Variants in ANO4 observed in about 807,000 individuals in gnomAD.
ANO4 encodes anoctamin-4.
ANO4 carries 69 observed loss-of-function variants against 141.9 expected under a neutral mutation model. The ratio of observed to expected loss-of-function variants is 0.49; its 90% CI spans 0.40 to 0.59. ANO4 has a LOEUF of 0.59. Ranked by LOEUF, ANO4 falls within the 20% of genes least tolerant of loss-of-function variation. ANO4 has a pLI of 0.00. For missense variants in ANO4, 894 were observed against 1,162.2 expected (o/e 0.77, Z 3.36); for synonymous variants, 350 against 394.3 (o/e 0.89, Z 1.33).
At chr12:101,001,683 G>A (rs1011872554) in intron 8 of ANO4, among the ~76,000 whole-genome samples, 1 of 152,068 alleles carries the variant, frequency 6.6e-6, no homozygotes, top group Non-Finnish European at 1.5e-5. Context: ...AATGGAACAC[G>A]GAGGAGTAAG....
rs530193642 is a variant in ANO4 at position 101,022,064 on chromosome 12, C to T, written c.841+1924C>T. On this transcript the variant is annotated intron_variant, in intron 9 of 27. Coordinates refer to ENST00000392977, the MANE Select transcript of ANO4 (RefSeq NM_001286615.2). The stretch of plus-strand genomic sequence containing the variant: ...GCCAAAAAAAAAAAAAAAAAAACAC[C>T]TACTTTGATCCCAAGCTGCATAAAT... Among the ~76,000 whole-genome samples the T allele has an allele frequency of 1.8e-3, 256 of 142,636 alleles. 3 individuals are homozygous for T. Among genetic ancestry groups the T allele is most frequent in the Non-Finnish European group, 1.2e-3 (76 of 65,510 alleles). 93.6% of individuals were successfully genotyped at this position (142,636 alleles called of 152,430 possible).
At chr12:100,718,699 G>A (rs140846144) in intron 1 of ANO4, among the ~76,000 whole-genome samples, 2 of 152,260 alleles carry the variant, frequency 1.3e-5, no homozygotes, top group East Asian at 3.9e-4. Flanking sequence ...TTTCAGTCTG[G>A]TGGCCTGTTT....
intron 26 of ANO4, among the ~76,000 whole-genome samples, chr12:101,121,561 T>C (rs2051093768): frequency 6.6e-6 from 1 of 152,240 alleles, no homozygotes; most frequent in South Asian, 2.1e-4. Context: ...CATGTGTCTT[T>C]TTGGTAGAAT....
At chr12:100,904,761 T>G (rs1049920880) in intron 2 of ANO4, among the ~76,000 whole-genome samples, 1 of 152,122 alleles carries the variant, frequency 6.6e-6, no homozygotes, top group African/African-American at 2.4e-5. Context: ...TTCCATAATT[T>G]GATTTATATT....
At chr12:101,035,827 A>T (rs1260125395) in intron 9 of ANO4, among the ~76,000 whole-genome samples, 6 of 152,174 alleles carry the variant, frequency 3.9e-5, no homozygotes, top group African/African-American at 1.4e-4. Context: ...CAAAGAAGGG[A>T]ACAGGAGACA....
intron 3 of ANO4, among the ~76,000 whole-genome samples, chr12:100,749,115 G>A (rs1461022611): frequency 6.6e-6 from 1 of 152,174 alleles, no homozygotes; most frequent in African/African-American, 2.4e-5. Context: ...GTTCCAAGCA[G>A]CAGGACAGTG....
intron 8 of ANO4, among the ~76,000 whole-genome samples, chr12:100,990,235 T>G (rs1214128157): frequency 6.6e-6 from 1 of 152,186 alleles, no homozygotes; most frequent in Non-Finnish European, 1.5e-5. Flanking sequence ...TGATGTGTGC[T>G]CTGGTATTTT....
chr12:100,980,521 C>T (rs376186250), intron 7 of ANO4, among the ~76,000 whole-genome samples: 7 of 152,056 alleles, frequency 4.6e-5, no homozygotes, highest in South Asian at 2.1e-4. Flanking sequence ...CTAAAATTCC[C>T]GTCGTATGAA....
chr12:101,047,200 G>A, intron 13 of ANO4, among the ~76,000 whole-genome samples: 1 of 152,190 alleles, frequency 6.6e-6, no homozygotes, highest in East Asian at 1.9e-4. Context: ...AGTGAGCCGA[G>A]ATTGCGCCAT....
intron 3 of ANO4, among the ~76,000 whole-genome samples, chr12:100,925,342 G>A (rs896479948): frequency 2.0e-5 from 3 of 151,930 alleles, no homozygotes; most frequent in African/African-American, 7.3e-5. Context: ...GGAGTTCTGC[G>A]ACTGGCCCCA....
chr12:101,068,883 T>C, intron 14 of ANO4: 1 of 882,300 alleles, frequency 1.1e-6, no homozygotes, highest in South Asian at 1.3e-5. Context: ...CAGATGAAGA[T>C]TTAAAGCTAA....
intron 22 of ANO4, among the ~76,000 whole-genome samples, chr12:101,105,802 A>G (rs555396036): frequency 6.6e-6 from 1 of 152,188 alleles, no homozygotes; most frequent in Non-Finnish European, 1.5e-5. Context: ...TAAATCTGGA[A>G]TTAAGAACTC....
chr12:101,054,585 C>T (rs1222303947), intron 14 of ANO4, among the ~76,000 whole-genome samples: 1 of 152,182 alleles, frequency 6.6e-6, no homozygotes, highest in Non-Finnish European at 1.5e-5. Context: ...TTGCAAGCTC[C>T]GCCTCCCGGC....
At chr12:100,919,686 G>T (rs933340181) in intron 2 of ANO4, among the ~76,000 whole-genome samples, 1 of 142,904 alleles carries the variant, frequency 7.0e-6, no homozygotes. Flanking sequence ...GTGTGTGTGT[G>T]TGTGTGTGTG....
At chr12:100,932,648 T>G (rs1200820942) in intron 3 of ANO4, among the ~76,000 whole-genome samples, 1 of 152,182 alleles carries the variant, frequency 6.6e-6, no homozygotes, top group East Asian at 1.9e-4. Flanking sequence ...GATTAGTAGA[T>G]TTAGTATTAC....
At chr12:100,724,850 A>G (rs1216785210) in intron 1 of ANO4, among the ~76,000 whole-genome samples, 4 of 152,220 alleles carry the variant, frequency 2.6e-5, no homozygotes, top group Non-Finnish European at 5.9e-5. Flanking sequence ...CATGGACTAA[A>G]TCAACACATT....
chr12:100,882,492 G>C (rs1265787410), intron 1 of ANO4, among the ~76,000 whole-genome samples: 3 of 152,150 alleles, frequency 2.0e-5, no homozygotes, highest in Admixed American at 2.0e-4. Flanking sequence ...ATAGTTGGTA[G>C]TAGTGGAGGC....
chr12:100,925,810 C>CCT (rs2041843236), intron 3 of ANO4, among the ~76,000 whole-genome samples: 1 of 69,166 alleles, frequency 1.4e-5, no homozygotes. Flanking sequence ...TGTATACATA[C>CCT]ATATACATAC....
intron 14 of ANO4, chr12:101,068,740 G>C: frequency 7.7e-7 from 1 of 1,305,414 alleles, no homozygotes. Flanking sequence ...TAAAAATGTT[G>C]CCGATGACTA....
Sources: gnomAD v4.1 joint callset for allele counts (sites outside exome capture counted in the v4.1 genomes callset) on GRCh38, gnomAD v4.1.1 for gene constraint, MANE v1.5 for transcripts, NCBI Gene and HGNC (gene_info 2026-07-23, HGNC 2026-07-21) for gene names.